PPARGC1B: variants seen among roughly 807,000 people sequenced by gnomAD.
PPARGC1B encodes the protein peroxisome proliferator-activated receptor gamma coactivator 1-beta.
In PPARGC1B, 34 loss-of-function variants were observed where a neutral mutation model predicts 101.6. That is an observed-to-expected ratio of 0.33 (90% CI 0.25 to 0.45). PPARGC1B has a LOEUF of 0.45. PPARGC1B is among the 20% of genes least tolerant of loss of function. PPARGC1B has a pLI of 1.00. For synonymous variants in PPARGC1B, 548 were observed against 539.3 expected, an observed-to-expected ratio of 1.02 and a Z score of -0.22; for missense variants, 1,234 against 1,317.6, an observed-to-expected ratio of 0.94 and a Z score of 0.98.
chr5:149,844,743 C>G (rs577435451), intron 10 of PPARGC1B, among the ~76,000 whole-genome samples: 7 of 152,362 alleles, frequency 4.6e-5, no homozygotes, highest in African/African-American at 1.7e-4. Context: ...TAGGCACCCA[C>G]TATTTGTAAT....
chr5:149,833,139 A>C lies in PPARGC1B; in HGVS notation c.1066A>C (p.Ser356Arg). Residue 356 changes from serine to arginine, a missense_variant, in exon 5 of 12, where the codon AGC becomes CGC. Physicochemically the swap from Ser to Arg is moderately radical, Grantham distance 110. Transcript: ENST00000309241. The surrounding 1 kb of genome is among the most constrained non-coding windows in gnomAD (Gnocchi z 4.1). ...LLAQDVLCDV[S>R]KPYRLATPVY... ...GGCTCAAGACGTGCTCTGTGATGTCAGCAAACCCTACCGTCTGGCCACGCC... is the reference window on the plus strand; with the variant it reads ...GGCTCAAGACGTGCTCTGTGATGTCCGCAAACCCTACCGTCTGGCCACGCC... 1.2e-6 allele frequency: 2 copies of C among 1,613,762 alleles called. No individual in the cohort carries two copies. The highest frequency in any genetic ancestry group is 1.7e-6 in the Non-Finnish European group (2 of 1,180,030).
At position 149,755,052 on chromosome 5, in the gene PPARGC1B, C is replaced by CATATACATATATATATAT. The variant is rs1360005539; in HGVS notation, c.78+24637_78+24638insCATATATATATATATATA. Among the ~76,000 whole-genome samples the CATATACATATATATATAT allele has an allele frequency of 1.4e-4, 15 of 108,936 alleles. 1 individual carries two copies. The highest frequency in any genetic ancestry group is 4.9e-4 in the African/African-American group (13 of 26,598). 71.5% of individuals were successfully genotyped at this position (108,936 alleles called of 152,430 possible). On this transcript the variant is annotated intron_variant, in intron 1 of 11. Coordinates refer to ENST00000309241, the MANE Select transcript of PPARGC1B (RefSeq NM_133263.4). Reference sequence around the variant, plus strand: ...TACACTACATATACATATACATATACATATATATATATATATATATAATTT... The same window carrying CATATACATATATATATAT: ...TACACTACATATACATATACATATACATATACATATATATATATATATATATATATATATATATAATTT...
chr5:149,735,974 A>G (rs1425877822), intron 1 of PPARGC1B, among the ~76,000 whole-genome samples: 1 of 152,164 alleles, frequency 6.6e-6, no homozygotes, highest in Non-Finnish European at 1.5e-5. Context: ...AAATACAAAA[A>G]TTAGCCGGGC....
At position 149,850,580 on chromosome 5, in the gene PPARGC1B, G is replaced by A. The variant is rs1759728780; in HGVS notation, c.*3022G>A. 6.6e-6 allele frequency: 1 copy of A among 152,144 alleles called. No homozygotes were observed. Among genetic ancestry groups the A allele is most frequent in the South Asian group, 2.1e-4 (1 of 4,808 alleles). The allele number at this position is 152,144 out of a possible 1,614,324, so 9.4% of individuals were successfully genotyped here. A position where few individuals can be genotyped will look rare whatever the true frequency, so the allele number is the denominator to read the frequency against. On this transcript the variant is annotated 3_prime_UTR_variant, in exon 12 of 12. Transcript: ENST00000309241. ...GTGTATTATTTAGGGCAACTCCAAG[G>A]TCTATTCAGAAAAACGAGTGAACCT...
chr5:149,817,099 C>A (rs571535298), intron 1 of PPARGC1B, among the ~76,000 whole-genome samples: 42 of 152,308 alleles, frequency 2.8e-4, no homozygotes, highest in African/African-American at 9.6e-4. Context: ...TCAGTCCCCA[C>A]GGGGGTCTTT....
rs1218213975 is a variant in PPARGC1B, at chr5:149,848,634, A to T, written c.*1076A>T. ...ATTCAAGCCCTGGCATGTGTCTTGGATGCACCATCAGCTTTGATCCTGAGT... is the reference window on the plus strand; with the variant it reads ...ATTCAAGCCCTGGCATGTGTCTTGGTTGCACCATCAGCTTTGATCCTGAGT... On this transcript the variant is annotated 3_prime_UTR_variant, in exon 12 of 12. Transcript: ENST00000309241. The T allele has an allele frequency of 1.3e-5, 2 of 152,194 alleles. No individual in the cohort carries two copies. The highest frequency in any genetic ancestry group is 1.3e-4 in the Admixed American group (2 of 15,268). 9.4% of individuals were successfully genotyped at this position (152,194 alleles called of 1,614,324 possible).
intron 1 of PPARGC1B, among the ~76,000 whole-genome samples, chr5:149,736,418 A>G (rs935511494): frequency 1.3e-5 from 2 of 151,858 alleles, no homozygotes; most frequent in African/African-American, 4.8e-5. Flanking sequence ...TTAGAGAGTG[A>G]AGGGTACCCA....
chr5:149,763,526 G>GTTTTTT (rs70973540), intron 1 of PPARGC1B, among the ~76,000 whole-genome samples: 2 of 67,676 alleles, frequency 3.0e-5, no homozygotes, highest in East Asian at 4.7e-4. Context: ...TTCACTCCTG[G>GTTTTTT]TTTTTTTTTT....
At chr5:149,827,051 T>C (rs373882261) in intron 3 of PPARGC1B, among the ~76,000 whole-genome samples, 166 bp downstream of exon 3, 24 of 152,384 alleles carry the variant, frequency 1.6e-4, no homozygotes, top group African/African-American at 5.0e-4. Context: ...GAGGCCCCCC[T>C]GGACTTAACC....
downstream of PPARGC1B, chr5:149,855,066 T>C (rs1239835519): frequency 1.4e-4 from 21 of 152,240 alleles, no homozygotes; most frequent in Admixed American, 1.3e-3. Flanking sequence ...TGGGAGCTCA[T>C]TGAGGGACAC....
At chr5:149,768,016 G>T (rs537720738) in intron 1 of PPARGC1B, among the ~76,000 whole-genome samples, 1 of 151,868 alleles carries the variant, frequency 6.6e-6, no homozygotes, top group Non-Finnish European at 1.5e-5. Flanking sequence ...GGTCCCATCT[G>T]GGGGTGATGG....
intron 7 of PPARGC1B, 68 bp from the exon 8 acceptor site, chr5:149,836,195 T>G (rs1389342354): frequency 3.7e-6 from 5 of 1,362,320 alleles, no homozygotes; most frequent in Non-Finnish European, 5.0e-6. Flanking sequence ...GGCCCCAAAC[T>G]TAGGGTCTTA....
At position 149,837,112 on chromosome 5, in the gene PPARGC1B, G is replaced by A. The variant is rs375172016; in HGVS notation, c.2618+39G>A. On this transcript the variant is annotated intron_variant, in intron 8 of 11. Coordinates refer to ENST00000309241, the MANE Select transcript of PPARGC1B (RefSeq NM_133263.4). This position sits in a 1 kb window ranked among gnomAD's most constrained non-coding sequence, Gnocchi z 4.2. ...GCTGCAGGAGAGGCAGCGGGCAGTGGAGGATCCCAGTTCCCGGGGAGCCAG... is the reference window on the plus strand; with the variant it reads ...GCTGCAGGAGAGGCAGCGGGCAGTGAAGGATCCCAGTTCCCGGGGAGCCAG... The A allele has an allele frequency of 5.8e-5, 90 of 1,548,784 alleles. No homozygotes were observed. The highest frequency in any genetic ancestry group is 7.2e-5 in the Non-Finnish European group (83 of 1,147,650).
chr5:149,833,303 C>T lies in PPARGC1B; in HGVS notation c.1230C>T (p.Arg410=), dbSNP rs754924333. The stretch of plus-strand genomic sequence containing the variant: ...GCACCGGGCCCAGACCAAGCCTGCG[C>T]CCACTGCGGCTGGAGGTGAAAAGGG... ...PKSTGPRPSL[R]PLRLEVKREV... The change falls in exon 5 of 12, where the codon CGC becomes CGT. Residue 410 remains arginine (R), a synonymous_variant. Coordinates refer to ENST00000309241, the MANE Select transcript of PPARGC1B (RefSeq NM_133263.4). This position sits in a 1 kb window ranked among gnomAD's most constrained non-coding sequence, Gnocchi z 4.1. The T allele has an allele frequency of 2.5e-6, 4 of 1,613,394 alleles. No individual in the cohort carries two copies. In the African/African-American group the frequency reaches 5.3e-5, roughly 22 times the overall value.
chr5:149,750,453 A>AAAAAATATATATATATATATATAT (rs1223165218), intron 1 of PPARGC1B, among the ~76,000 whole-genome samples: 1 of 123,240 alleles, frequency 8.1e-6, no homozygotes, highest in African/African-American at 3.1e-5. Flanking sequence ...TTTTAGTTAA[A>AAAAAATATATATATATATATATAT]ATATATATAT....
At position 149,776,645 on chromosome 5, in the gene PPARGC1B, A is replaced by G. The variant is rs529133934; in HGVS notation, c.79-43788A>G. 3.9e-5 allele frequency among the ~76,000 whole-genome samples: 6 copies of G among 152,332 alleles called. No homozygotes were observed. The South Asian group carries it at 1.2e-3, about 32-fold the overall frequency. On this transcript the variant is annotated intron_variant, in intron 1 of 11. Transcript: ENST00000309241. ...TGGGTCGTTGGTGTCAGCTGCAGCTAGGATGCAATGAAGACATCTGGGGCC... is the reference window on the plus strand; with the variant it reads ...TGGGTCGTTGGTGTCAGCTGCAGCTGGGATGCAATGAAGACATCTGGGGCC...
intron 2 of PPARGC1B, among the ~76,000 whole-genome samples, chr5:149,822,717 C>T (rs1354016221): frequency 6.6e-6 from 1 of 152,196 alleles, no homozygotes. Context: ...CATGTGTGTC[C>T]TTCAGACTGC....
chr5:149,826,956 G>C (rs1003102918), intron 3 of PPARGC1B, 71 bp downstream of exon 3: 10 of 1,222,546 alleles, frequency 8.2e-6, no homozygotes, highest in South Asian at 1.4e-5. Context: ...GGCATGGGGT[G>C]CAGAGCAATC....
In PPARGC1B at chr5:149,854,000, G is replaced by A. The variant is rs933137639; in HGVS notation, c.*6442G>A. The stretch of plus-strand genomic sequence containing the variant: ...CAGCTGCTAATGTTGAAACCAACAC[G>A]AGCCCTCTCCCCAACCCCAGGTTTC... On this transcript the variant is annotated 3_prime_UTR_variant, in exon 12 of 12. Transcript: ENST00000309241. This position sits in a 1 kb window ranked among gnomAD's most constrained non-coding sequence, Gnocchi z 4.2. 2.0e-5 allele frequency: 3 copies of A among 152,144 alleles called. No homozygotes were observed. Among genetic ancestry groups the A allele is most frequent in the Non-Finnish European group, 2.9e-5 (2 of 68,036 alleles). The allele number at this position is 152,144 out of a possible 1,614,324, so 9.4% of individuals were successfully genotyped here.
Sources: allele counts gnomAD v4.1 joint callset (sites outside exome capture counted in the v4.1 genomes callset), GRCh38; gene constraint gnomAD v4.1.1; non-coding constraint Gnocchi (gnomAD v3.1); transcripts MANE v1.5; gene names NCBI Gene and HGNC (gene_info 2026-07-23, HGNC 2026-07-21).